The following TMEM25 variants were observed in gnomAD, a reference collection of about 807,000 sequenced individuals.
TMEM25 encodes the protein 0610039J01Rik.
TMEM25 carries 36 observed loss-of-function variants against 37.0 expected under a neutral mutation model. The ratio of observed to expected loss-of-function variants is 0.97; its 90% CI spans 0.75 to 1.28. The LOEUF (loss-of-function observed/expected upper bound fraction) is 1.28, where lower values mean the gene tolerates loss of function less well. Ranked by LOEUF, TMEM25 falls within the 50% of genes most tolerant of loss-of-function variation. The pLI is 0.00. For missense variants in TMEM25, 444 were observed against 477.9 expected, an observed-to-expected ratio of 0.93 and a Z score of 0.66; for synonymous variants, 197 against 203.7, an observed-to-expected ratio of 0.97 and a Z score of 0.28.
downstream of TMEM25, among the ~76,000 whole-genome samples, chr11:118,537,031 T>C (rs1027886083): frequency 1.3e-5 from 2 of 151,996 alleles, no homozygotes; most frequent in Non-Finnish European, 2.9e-5. Context: ...TGTGCCATTG[T>C]GCTCAGCTAA....
At position 118,541,461 on chromosome 11, in the gene TMEM25, CAAAAA is replaced by C. The variant is rs1216078404; in HGVS notation, c.1028-4644_1028-4640del. Among the ~76,000 whole-genome samples the C allele has an allele frequency of 1.5e-4, 5 of 32,878 alleles. No individual in the cohort carries two copies. In the East Asian group the frequency reaches 4.0e-3, roughly 26 times the overall value. The allele number at this position is 32,878 out of a possible 152,430, so 21.6% of individuals were successfully genotyped here. ...TGGGTGACAGAGCGAGACCCTGTCT[CAAAAA>C]AAAAAAAAAAAAAGAAAAAGAAACT... is the stretch of plus-strand genomic sequence containing the variant. On this transcript the variant is annotated intron_variant, in intron 8 of 8. Coordinates refer to the TMEM25 transcript ENST00000354284.
At chr11:118,539,164 A>ATTT (rs1160816224), downstream of TMEM25, among the ~76,000 whole-genome samples, 1,691 of 100,394 alleles carry the variant, frequency 0.017, 58 homozygotes, top group East Asian at 0.041. Flanking sequence ...TTGGTCATAA[A>ATTT]TTTTTTTTTT....
intron 8 of TMEM25, chr11:118,545,501 C>T (rs113167531): frequency 0.017 from 27,122 of 1,607,202 alleles, 298 homozygotes; most frequent in Admixed American, 0.049. Context: ...ATGGCTGAAA[C>T]GAAGAAGAAC....
At chr11:118,544,059 G>C (rs1951619974) in intron 8 of TMEM25, among the ~76,000 whole-genome samples, 1 of 151,212 alleles carries the variant, frequency 6.6e-6, no homozygotes, top group South Asian at 2.1e-4. Context: ...CTGCCTGCCT[G>C]GGCCTCCCAA....
downstream of TMEM25, among the ~76,000 whole-genome samples, chr11:118,539,641 T>G (rs1176180204): frequency 6.6e-6 from 1 of 152,164 alleles, no homozygotes; most frequent in African/African-American, 2.4e-5. Flanking sequence ...GCTATCCAAT[T>G]TTCCCAGCAC....
chr11:118,534,953 T>C lies in TMEM25; in HGVS notation c.*373T>C. ...CCCACCCCAGTACTCCACAGCACCT[T>C]GTACAGTAGGCATGGGGGCGTGCCT... On this transcript the variant is annotated 3_prime_UTR_variant, in exon 9 of 9. Transcript: ENST00000313236. The surrounding 1 kb of genome is among the most constrained non-coding windows in gnomAD (Gnocchi z 4.6). 9.1e-7 allele frequency: 1 copy of C among 1,102,354 alleles called. No homozygotes were observed. The highest frequency in any genetic ancestry group is 1.1e-6 in the Non-Finnish European group (1 of 901,216). 68.3% of individuals were successfully genotyped at this position (1,102,354 alleles called of 1,614,324 possible). A position where few individuals can be genotyped will look rare whatever the true frequency, so the allele number is the denominator to read the frequency against.
At chr11:118,546,486 T>TAA (rs373375710), downstream of TMEM25, 4,821 of 212,788 alleles carry the variant, frequency 0.023, 235 homozygotes, top group African/African-American at 0.1. Context: ...TAATACCCTG[T>TAA]AAAAAAAAAG....
Position 118,534,697 on chromosome 11 carries a change from T to C in TMEM25, c.*117T>C. The C allele has an allele frequency of 6.6e-7, 1 of 1,508,408 alleles. No homozygotes were observed. Among genetic ancestry groups the C allele is most frequent in the Non-Finnish European group, 8.9e-7 (1 of 1,126,468 alleles). 93.4% of individuals were successfully genotyped at this position (1,508,408 alleles called of 1,614,324 possible). ...GAAGTTATGCCACTGCCACTTTTGC[T>C]TGCCCTCCTGGCTGGGGTGCCCTCC... On this transcript the variant is annotated 3_prime_UTR_variant, in exon 9 of 9. Transcript: ENST00000313236. This position sits in a 1 kb window ranked among gnomAD's most constrained non-coding sequence, Gnocchi z 4.6.
At chr11:118,537,200 G>C (rs1951522426), downstream of TMEM25, among the ~76,000 whole-genome samples, 1 of 152,106 alleles carries the variant, frequency 6.6e-6, no homozygotes, top group Admixed American at 6.6e-5. Context: ...AATTAGCCTG[G>C]CATGGTAGCA....
At position 118,534,201 on chromosome 11, in the gene TMEM25, T is replaced by C; in HGVS notation, c.938-65T>C. The C allele has an allele frequency of 1.9e-6, 3 of 1,613,280 alleles. No individual in the cohort carries two copies. Among genetic ancestry groups the C allele is most frequent in the Non-Finnish European group, 8.5e-7 (1 of 1,179,292 alleles). The stretch of plus-strand genomic sequence containing the variant: ...GCTTCTGAGAAAAAGAACTTGGTGC[T>C]TGGGAGGGGCGAGGCCTCATCAGGC... On this transcript the variant is annotated intron_variant, in intron 7 of 8. Transcript: ENST00000313236. The surrounding 1 kb of genome is among the most constrained non-coding windows in gnomAD (Gnocchi z 4.6).
At chr11:118,539,087 G>A (rs578243356), downstream of TMEM25, among the ~76,000 whole-genome samples, 2 of 150,578 alleles carry the variant, frequency 1.3e-5, no homozygotes, top group East Asian at 3.9e-4. Context: ...TTATTTTGCT[G>A]TGCGGAAGCT....
chr11:118,543,425 G>A (rs1183949308), intron 8 of TMEM25, among the ~76,000 whole-genome samples: 1 of 152,008 alleles, frequency 6.6e-6, no homozygotes, highest in Non-Finnish European at 1.5e-5. Flanking sequence ...ATGTTCCTCA[G>A]TACCCTCCGT....
intron 8 of TMEM25, among the ~76,000 whole-genome samples, chr11:118,542,952 C>G (rs782720240): frequency 7.4e-5 from 11 of 148,346 alleles, no homozygotes; most frequent in Non-Finnish European, 1.5e-4. Flanking sequence ...CAAAAATTTG[C>G]TGGGTGAGGC....
At chr11:118,544,989 C>T (rs1555066687) in intron 8 of TMEM25, 1 of 1,612,982 alleles carries the variant, frequency 6.2e-7, no homozygotes. Context: ...TGCTTTCTTG[C>T]CTTCAGCGAG....
chr11:118,535,723 C>T lies in TMEM25; in HGVS notation c.*1143C>T. ...TAAATGATTGGAAATTAATATAGTACAGAATATATTTTTCCCTTGTTGAGA... is the reference window on the plus strand; with the variant it reads ...TAAATGATTGGAAATTAATATAGTATAGAATATATTTTTCCCTTGTTGAGA... On this transcript the variant is annotated 3_prime_UTR_variant, in exon 9 of 9. Coordinates refer to ENST00000313236, the MANE Select transcript of TMEM25 (RefSeq NM_032780.4). 1.4e-6 allele frequency: 2 copies of T among 1,405,822 alleles called. No homozygotes were observed. Among genetic ancestry groups the T allele is most frequent in the East Asian group, 2.6e-5 (1 of 38,522 alleles). The allele number at this position is 1,405,822 out of a possible 1,614,324, so 87.1% of individuals were successfully genotyped here. A position where few individuals can be genotyped will look rare whatever the true frequency, so the allele number is the denominator to read the frequency against.
chr11:118,545,618 C>A, intron 8 of TMEM25: 1 of 1,070,696 alleles, frequency 9.3e-7, no homozygotes, highest in Non-Finnish European at 1.4e-6. Context: ...GGTTAAATAC[C>A]CAGCAGGTAG....
intron 5 of TMEM25, 142 bp from the exon 6 acceptor site, chr11:118,533,715 C>G: frequency 6.4e-7 from 1 of 1,567,976 alleles, no homozygotes; most frequent in Non-Finnish European, 8.7e-7. Context: ...GGGTCAAGCA[C>G]TGGGAACCCA....
Position 118,534,987 on chromosome 11 carries a change from G to T in TMEM25, c.*407G>T, listed in dbSNP as rs551405966. 1.9e-6 allele frequency: 2 copies of T among 1,048,920 alleles called. No homozygotes were observed. The highest frequency in any genetic ancestry group is 7.4e-5 in the South Asian group (2 of 26,950). The allele number at this position is 1,048,920 out of a possible 1,614,324, so 65.0% of individuals were successfully genotyped here. On this transcript the variant is annotated 3_prime_UTR_variant, in exon 9 of 9. Coordinates refer to ENST00000313236, the MANE Select transcript of TMEM25 (RefSeq NM_032780.4). The surrounding 1 kb of genome is among the most constrained non-coding windows in gnomAD (Gnocchi z 4.6). Reference sequence around the variant, plus strand: ...GGCATGGGGGCGTGCCTGTGTGGGGGACAGGGAGGGCCCTGCATGGATTTT... The same window carrying T: ...GGCATGGGGGCGTGCCTGTGTGGGGTACAGGGAGGGCCCTGCATGGATTTT...
rs188968931 is a variant in TMEM25 at position 118,540,900 on chromosome 11, G to A, written c.1028-5219G>A. 2.6e-5 allele frequency among the ~76,000 whole-genome samples: 4 copies of A among 152,296 alleles called. No individual in the cohort carries two copies. The East Asian group carries it at 7.7e-4, about 29-fold the overall frequency. On this transcript the variant is annotated intron_variant, in intron 8 of 8. Coordinates refer to the TMEM25 transcript ENST00000354284. The stretch of plus-strand genomic sequence containing the variant: ...CCATTTATATGAAATGTCCAGAGTA[G>A]GCAAATCTGCAGAGTCAGAGAGCAA...
Sources: gnomAD v4.1 joint callset for allele counts (sites outside exome capture counted in the v4.1 genomes callset) on GRCh38, gnomAD v4.1.1 for gene constraint, Gnocchi (gnomAD v3.1) non-coding constraint, MANE v1.5 for transcripts, NCBI Gene and HGNC (gene_info 2026-07-23, HGNC 2026-07-21) for gene names.